Variants in RPL36AL observed in about 807,000 individuals in gnomAD.
RPL36AL encodes ribosomal protein L36a like, also known as ribosomal protein eL42-like.
In RPL36AL, 8 loss-of-function variants were observed where a neutral mutation model predicts 7.9. That is an observed-to-expected ratio of 1.02 (90% CI 0.60 to 1.84). The LOEUF is 1.84. Among genes scored for constraint, RPL36AL ranks in the 40% most tolerant of loss-of-function variants. The pLI is 0.00. For synonymous variants in RPL36AL, 44 were observed against 44.8 expected (o/e 0.98, Z 0.07); for missense variants, 76 against 126.8 (o/e 0.60, Z 1.93).
In RPL36AL at chr14:49,618,737, T is replaced by C. The variant is rs745899887; in HGVS notation, c.*47A>G. On this transcript the variant is annotated 3_prime_UTR_variant, in exon 2 of 2. Coordinates refer to ENST00000298289, the MANE Select transcript of RPL36AL (RefSeq NM_001001.5). ...TATTTTCCCTCGGGTAACTTTTCTA[T>C]GGCTTCACCATTTTCTCTTCAAAAT... The C allele has an allele frequency of 2.0e-5, 30 of 1,495,388 alleles. No homozygotes were observed. The East Asian group carries it at 6.8e-4, about 34-fold the overall frequency. 92.6% of individuals were successfully genotyped at this position (1,495,388 alleles called of 1,614,324 possible).
chr14:49,618,656 G>T lies in RPL36AL; in HGVS notation c.*128C>A. 2.8e-6 allele frequency: 2 copies of T among 704,960 alleles called. No individual in the cohort carries two copies. The highest frequency in any genetic ancestry group is 4.7e-6 in the Non-Finnish European group (2 of 424,484). The allele number at this position is 704,960 out of a possible 1,614,324, so 43.7% of individuals were successfully genotyped here. ...TTGAGGTGGGACTACACTAAACATG[G>T]AATTCTATTTATAAGTAAAAACCAC... On this transcript the variant is annotated 3_prime_UTR_variant, in exon 2 of 2. Transcript: ENST00000298289.
intron 1 of RPL36AL, among the ~76,000 whole-genome samples, chr14:49,619,603 C>T (rs1882772812): frequency 6.6e-6 from 1 of 151,612 alleles, no homozygotes; most frequent in Non-Finnish European, 1.5e-5. Flanking sequence ...GCACTCCAGC[C>T]TGGGCAACAA....
chr14:49,618,662 T>C lies in RPL36AL; in HGVS notation c.*122A>G, dbSNP rs1265679873. 2 of 737,596 alleles carry C rather than the reference T, an allele frequency of 2.7e-6. No individual in the cohort carries two copies. Among genetic ancestry groups the C allele is most frequent in the Admixed American group, 2.8e-5 (1 of 36,318 alleles). The allele number at this position is 737,596 out of a possible 1,614,324, so 45.7% of individuals were successfully genotyped here. On this transcript the variant is annotated 3_prime_UTR_variant, in exon 2 of 2. Transcript: ENST00000298289. The stretch of plus-strand genomic sequence containing the variant: ...TGGGACTACACTAAACATGGAATTC[T>C]ATTTATAAGTAAAAACCACAAAAAG...
chr14:49,620,361 C>T (rs971320814), intron 1 of RPL36AL, among the ~76,000 whole-genome samples: 1 of 152,232 alleles, frequency 6.6e-6, no homozygotes, highest in Non-Finnish European at 1.5e-5. Context: ...GCTGACGTGT[C>T]CTTATCAAGC....
rs1274904603 is a variant in RPL36AL at position 49,619,141 on chromosome 14, C to G, written c.-36-1G>C. On this transcript the variant is annotated splice_acceptor_variant, in intron 1 of 1. Coordinates refer to ENST00000298289, the MANE Select transcript of RPL36AL (RefSeq NM_001001.5). LOFTEE classifies it low-confidence loss of function (5UTR_SPLICE). ...GGCTGTTTTGTCTATATGATGAAAA[C>G]TGTAGTAAAATATTTAAAATAAGAT... The G allele has an allele frequency of 6.5e-7, 1 of 1,537,512 alleles. No homozygotes were observed. Among genetic ancestry groups the G allele is most frequent in the Non-Finnish European group, 8.8e-7 (1 of 1,138,108 alleles).
rs1229928381 is a variant in RPL36AL at position 49,619,053 on chromosome 14, G to A, written c.52C>T (p.His18Tyr). Reference protein sequence around the residue: ...RRTFCKKCGKHQPHKVTQYKK... With the variant: ...RRTFCKKCGKYQPHKVTQYKK... ...TACTGTGTCACTTTGTGAGGCTGAT[G>A]CTTGCCACACTTCTTACAGAAGGTT... Residue 18 changes from histidine to tyrosine, a missense_variant, in exon 2 of 2, where the codon CAT (histidine) becomes TAT (tyrosine). Physicochemically the swap from His to Tyr is moderately conservative, Grantham distance 83. Transcript: ENST00000298289. The A allele has an allele frequency of 5.6e-6, 9 of 1,613,872 alleles. No homozygotes were observed. The South Asian group carries it at 8.8e-5, about 16-fold the overall frequency.
chr14:49,619,233 A>G (rs1450472496), intron 1 of RPL36AL, 93 bp from the exon 2 acceptor site: 1 of 731,846 alleles, frequency 1.4e-6, no homozygotes, highest in Middle Eastern at 2.5e-4. Flanking sequence ...CCGTACACAT[A>G]AATGAGTAAT....
intron 1 of RPL36AL, among the ~76,000 whole-genome samples, chr14:49,620,338 A>G (rs1594598005): frequency 6.6e-6 from 1 of 152,248 alleles, no homozygotes; most frequent in Admixed American, 6.5e-5. Context: ...GTCACCCGTC[A>G]GCAGCCTCGA....
Position 49,618,738 on chromosome 14 carries a change from G to C in RPL36AL, c.*46C>G, listed in dbSNP as rs1203307778. 1 of 1,497,968 alleles carries C rather than the reference G, an allele frequency of 6.7e-7. No homozygotes were observed. The highest frequency in any genetic ancestry group is 9.1e-7 in the Non-Finnish European group (1 of 1,093,610). 92.8% of individuals were successfully genotyped at this position (1,497,968 alleles called of 1,614,324 possible). On this transcript the variant is annotated 3_prime_UTR_variant, in exon 2 of 2. Coordinates refer to ENST00000298289, the MANE Select transcript of RPL36AL (RefSeq NM_001001.5). ...ATTTTCCCTCGGGTAACTTTTCTATGGCTTCACCATTTTCTCTTCAAAATT... is the reference window on the plus strand; with the variant it reads ...ATTTTCCCTCGGGTAACTTTTCTATCGCTTCACCATTTTCTCTTCAAAATT...
At position 49,618,908 on chromosome 14, in the gene RPL36AL, ATCT is replaced by A. The variant is rs1882745116; in HGVS notation, c.194_196del (p.Lys65del). The A allele has an allele frequency of 6.2e-7, 1 of 1,612,980 alleles. No homozygotes were observed. The highest frequency in any genetic ancestry group is 8.5e-7 in the Non-Finnish European group (1 of 1,179,864). ...CTCAACACATTCCAGCCTTAGCACA[ATCT>A]TCTTTGTGGTCTTAGCCTTCTTCCG... On this transcript the variant is annotated inframe_deletion, in exon 2 of 2. Coordinates refer to ENST00000298289, the MANE Select transcript of RPL36AL (RefSeq NM_001001.5).
At chr14:49,619,352 A>G (rs1388202032) in intron 1 of RPL36AL, among the ~76,000 whole-genome samples, 4 of 152,200 alleles carry the variant, frequency 2.6e-5, no homozygotes, top group Non-Finnish European at 4.4e-5. Context: ...TGTCGACCTA[A>G]AGAACTGAGG....
rs906833216 is a variant in RPL36AL at position 49,620,604 on chromosome 14, T to C, written c.-79A>G. ...CACCTGGCCCTTCGCAGCTCTCGCC[T>C]TTCGCAGCTCTCGCCTAACAGGAAA... On this transcript the variant is annotated 5_prime_UTR_variant, in exon 1 of 2. Coordinates refer to ENST00000298289, the MANE Select transcript of RPL36AL (RefSeq NM_001001.5). 1.8e-5 allele frequency: 4 copies of C among 220,964 alleles called. No individual in the cohort carries two copies. The highest frequency in any genetic ancestry group is 9.2e-5 in the African/African-American group (4 of 43,698). 13.7% of individuals were successfully genotyped at this position (220,964 alleles called of 1,614,324 possible).
chr14:49,618,807 T>C lies in RPL36AL; in HGVS notation c.298A>G (p.Lys100Glu). The C allele has an allele frequency of 6.2e-7, 1 of 1,611,910 alleles. No individual in the cohort carries two copies. Among genetic ancestry groups the C allele is most frequent in the Non-Finnish European group, 8.5e-7 (1 of 1,179,584 alleles). ...GTTTAGAACTGGATCACTTGGCCCTTTCTCTTCTTATCTCCTCCCAGTTCA... is the reference window on the plus strand; with the variant it reads ...GTTTAGAACTGGATCACTTGGCCCTCTCTCTTCTTATCTCCTCCCAGTTCA... ...HFELGGDKKR[K>E]GQVIQF Residue 100 changes from lysine to glutamate, a missense_variant, in exon 2 of 2, where the codon AAG (lysine) becomes GAG (glutamate). By Grantham distance (56) the Lys-to-Glu change is moderately conservative. Coordinates refer to ENST00000298289, the MANE Select transcript of RPL36AL (RefSeq NM_001001.5).
chr14:49,619,604 T>G (rs1000981677), intron 1 of RPL36AL, among the ~76,000 whole-genome samples: 3 of 151,516 alleles, frequency 2.0e-5, no homozygotes, highest in African/African-American at 7.3e-5. Flanking sequence ...CACTCCAGCC[T>G]GGGCAACAAC....
chr14:49,619,541 T>C (rs1161921874), intron 1 of RPL36AL, among the ~76,000 whole-genome samples: 1 of 151,674 alleles, frequency 6.6e-6, no homozygotes, highest in Non-Finnish European at 1.5e-5. Flanking sequence ...GGAGAATCGC[T>C]TGGGCGGGGT....
chr14:49,618,868 G>A lies in RPL36AL; in HGVS notation c.237C>T (p.Ser79=), dbSNP rs17113515. Residue 79 remains serine, a synonymous_variant, in exon 2 of 2, where the codon TCC becomes TCT. Coordinates refer to ENST00000298289, the MANE Select transcript of RPL36AL (RefSeq NM_001001.5). ...ATCTCTTAATGGCCAGCATCCTCTT[G>A]GATCTGCAGTTAGGCTCAACACATT... is the stretch of plus-strand genomic sequence containing the variant. ...RLECVEPNCR[S]KRMLAIKRCK... 12,566 of 1,612,416 alleles carry A rather than the reference G, an allele frequency of 7.8e-3. 85 individuals carry two copies. Among genetic ancestry groups the A allele is most frequent in the Non-Finnish European group, 8.6e-3 (10,112 of 1,179,816 alleles).
intron 1 of RPL36AL, among the ~76,000 whole-genome samples, chr14:49,619,740 G>C (rs1161718713): frequency 6.6e-6 from 1 of 152,220 alleles, no homozygotes; most frequent in African/African-American, 2.4e-5. Flanking sequence ...AGTAGCAGCA[G>C]TTGCAAGTGG....
At chr14:49,619,253 C>T (rs376317114) in intron 1 of RPL36AL, 113 bp from the exon 2 acceptor site, 11 of 637,992 alleles carry the variant, frequency 1.7e-5, no homozygotes, top group East Asian at 1.4e-4. Context: ...TATATAAATC[C>T]ACCACGTACT....
intron 1 of RPL36AL, among the ~76,000 whole-genome samples, chr14:49,619,936 C>A (rs1882784689): frequency 6.6e-6 from 1 of 152,110 alleles, no homozygotes; most frequent in Non-Finnish European, 1.5e-5. Flanking sequence ...TCTGAAGTCC[C>A]ATACTGCTGT....
Sources: allele counts gnomAD v4.1 joint callset (sites outside exome capture counted in the v4.1 genomes callset), GRCh38; gene constraint gnomAD v4.1.1; transcripts MANE v1.5; gene names NCBI Gene and HGNC (gene_info 2026-07-23, HGNC 2026-07-21).